The following NALCN variants were observed in gnomAD, a reference collection of about 807,000 sequenced individuals.
NALCN encodes sodium leak channel, non-selective.
A neutral mutation model predicts 225.3 loss-of-function variants in NALCN; 111 were observed. The observed-to-expected ratio is 0.49, with a 90% CI of 0.42 to 0.58. The LOEUF (loss-of-function observed/expected upper bound fraction) is 0.58. NALCN is among the 20% of genes least tolerant of loss of function. The pLI is 0.00. For synonymous variants in NALCN, 764 were observed against 769.0 expected, an observed-to-expected ratio of 0.99 and a Z score of 0.11; for missense variants, 1,378 against 2,202.4, an observed-to-expected ratio of 0.63 and a Z score of 7.49.
At chr13:101,377,097 T>C in intron 4 of NALCN, 41 bp from the exon 5 acceptor site, 1 of 1,612,504 alleles carries the variant, frequency 6.2e-7, no homozygotes, top group Non-Finnish European at 8.5e-7. Context: ...GGATTTTCCC[T>C]TAGCATTGCT....
At chr13:101,392,855 C>T (rs1183880295) in intron 3 of NALCN, among the ~76,000 whole-genome samples, 1 of 152,168 alleles carries the variant, frequency 6.6e-6, no homozygotes, top group Non-Finnish European at 1.5e-5. Context: ...TAGAAACCAA[C>T]AGCCTTCATT....
chr13:101,181,522 T>C (rs2039222564), intron 14 of NALCN, among the ~76,000 whole-genome samples: 2 of 151,892 alleles, frequency 1.3e-5, no homozygotes, highest in East Asian at 1.9e-4. Context: ...TGAGGCAGGA[T>C]TGCTTGACCC....
Position 101,393,506 on chromosome 13 carries a change from T to C in NALCN, c.291+1677A>G, listed in dbSNP as rs192131938. Among the ~76,000 whole-genome samples the C allele has an allele frequency of 2.7e-3, 411 of 152,292 alleles. 3 individuals are homozygous for C. Among genetic ancestry groups the C allele is most frequent in the African/African-American group, 9.3e-3 (388 of 41,572 alleles). On this transcript the variant is annotated intron_variant, in intron 3 of 43. Coordinates refer to ENST00000251127, the MANE Select transcript of NALCN (RefSeq NM_052867.4). ...TGGATCAATGACATAGGAAAATTTT[T>C]TGCAGGATGTGAAAAGCTGAAACTT...
chr13:101,086,967 G>A (rs2033962442), intron 30 of NALCN, among the ~76,000 whole-genome samples: 1 of 151,876 alleles, frequency 6.6e-6, no homozygotes, highest in African/African-American at 2.4e-5. Context: ...TAATTACTTT[G>A]TTATACATAA....
intron 7 of NALCN, among the ~76,000 whole-genome samples, chr13:101,296,999 T>A (rs767471039): frequency 4.6e-5 from 7 of 152,212 alleles, no homozygotes; most frequent in Non-Finnish European, 7.3e-5. Flanking sequence ...AACAAAATTA[T>A]ATTCCCATCT....
chr13:101,279,879 A>AT (rs2043109847), intron 10 of NALCN, among the ~76,000 whole-genome samples: 1 of 150,776 alleles, frequency 6.6e-6, no homozygotes, highest in African/African-American at 2.4e-5. Flanking sequence ...AAATAAATAA[A>AT]AAGAAGTGGT....
At chr13:101,379,980 C>A (rs774827774) in intron 3 of NALCN, among the ~76,000 whole-genome samples, 1 of 152,002 alleles carries the variant, frequency 6.6e-6, no homozygotes, top group South Asian at 2.1e-4. Flanking sequence ...GATTTCAACA[C>A]CTTGACAGTA....
At chr13:101,311,908 T>C (rs1263183604) in intron 7 of NALCN, among the ~76,000 whole-genome samples, 1 of 152,058 alleles carries the variant, frequency 6.6e-6, no homozygotes, top group African/African-American at 2.4e-5. Flanking sequence ...TCTTTTTCTA[T>C]TGATTGGAAT....
chr13:101,093,614 A>G (rs185914704), intron 28 of NALCN, among the ~76,000 whole-genome samples: 161 of 152,264 alleles, frequency 1.1e-3, no homozygotes, highest in African/African-American at 3.7e-3. Flanking sequence ...ATTGCATTTA[A>G]ATTAACTTTG....
chr13:101,237,043 T>C (rs1052059291), intron 12 of NALCN, among the ~76,000 whole-genome samples: 1 of 151,902 alleles, frequency 6.6e-6, no homozygotes, highest in South Asian at 2.1e-4. Context: ...GAATACCATG[T>C]AGACATATTT....
intron 14 of NALCN, among the ~76,000 whole-genome samples, chr13:101,183,265 A>C (rs1047504760): frequency 6.6e-6 from 1 of 152,214 alleles, no homozygotes. Context: ...ACTAAATGTG[A>C]TTTACAGGTT....
chr13:101,370,398 T>G (rs1430893329), intron 6 of NALCN, among the ~76,000 whole-genome samples: 1 of 152,168 alleles, frequency 6.6e-6, no homozygotes, highest in Non-Finnish European at 1.5e-5. Context: ...AGAAGGAACA[T>G]GAGTTGACAT....
chr13:101,228,515 G>A (rs964554055), intron 13 of NALCN, among the ~76,000 whole-genome samples: 3 of 152,090 alleles, frequency 2.0e-5, no homozygotes, highest in East Asian at 1.9e-4. Flanking sequence ...TAAGTCTCAC[G>A]AGATCTGATG....
intron 15 of NALCN, among the ~76,000 whole-genome samples, chr13:101,164,816 G>T (rs1311068849): frequency 6.6e-6 from 1 of 152,166 alleles, no homozygotes; most frequent in African/African-American, 2.4e-5. Context: ...AGAAATAGCA[G>T]ATCAAATGCT....
chr13:101,082,308 G>A lies in NALCN; in HGVS notation c.3765+501C>T, dbSNP rs147756394. Among the ~76,000 whole-genome samples the A allele has an allele frequency of 1.1e-4, 16 of 152,116 alleles. No individual in the cohort carries two copies. The East Asian group carries it at 3.1e-3, about 29-fold the overall frequency. ...GTGTTCTCTACACTCTTTCCTCTTC[G>A]TTTTATGACTAGTTCTGATCATGGG... On this transcript the variant is annotated intron_variant, in intron 33 of 43. Coordinates refer to ENST00000251127, the MANE Select transcript of NALCN (RefSeq NM_052867.4).
intron 18 of NALCN, among the ~76,000 whole-genome samples, chr13:101,118,729 G>C (rs775023295): frequency 5.3e-5 from 8 of 152,072 alleles, no homozygotes; most frequent in Non-Finnish European, 8.8e-5. Context: ...TTAAAACTTG[G>C]GGTTATTCAT....
intron 11 of NALCN, among the ~76,000 whole-genome samples, chr13:101,246,997 A>G (rs1354272800): frequency 1.3e-5 from 2 of 152,240 alleles, no homozygotes; most frequent in Non-Finnish European, 2.9e-5. Context: ...CCAAAGAGGC[A>G]GGAAGGAATT....
chr13:101,072,056 T>C (rs1014080160), intron 37 of NALCN, among the ~76,000 whole-genome samples: 2 of 152,156 alleles, frequency 1.3e-5, no homozygotes, highest in South Asian at 2.1e-4. Flanking sequence ...CTCCATCTTA[T>C]TGAGCATGGT....
intron 1 of NALCN, among the ~76,000 whole-genome samples, chr13:101,401,718 T>A (rs1399678151): frequency 6.6e-6 from 1 of 152,198 alleles, no homozygotes; most frequent in Non-Finnish European, 1.5e-5. Flanking sequence ...TAGCTGTCAC[T>A]CACATTTACC....
Sources: allele counts gnomAD v4.1 joint callset (sites outside exome capture counted in the v4.1 genomes callset), GRCh38; gene constraint gnomAD v4.1.1; transcripts MANE v1.5; gene names NCBI Gene and HGNC (gene_info 2026-07-23, HGNC 2026-07-21).